The following SLC68A1 variants were observed in gnomAD, a reference collection of about 807,000 sequenced individuals.
The protein encoded by SLC68A1 is major facilitator superfamily domain containing 13A.
At chr10:102,468,629 T>A in the SLC68A1 span, 1 of 165,264 alleles carries the variant, frequency 6.1e-6, no homozygotes, top group East Asian at 1.8e-4. Context: ...ATCTGGCTAC[T>A]GCACTCCAGC....
chr10:102,476,225 G>A, the SLC68A1 span: 3 of 532,120 alleles, frequency 5.6e-6, no homozygotes, highest in East Asian at 1.3e-4. Context: ...GTGCCACCAT[G>A]CCCGGCTACT....
chr10:102,467,390 G>A, the SLC68A1 span, among the ~76,000 whole-genome samples: 1 of 152,160 alleles, frequency 6.6e-6, no homozygotes, highest in Non-Finnish European at 1.5e-5. Context: ...GGGAATGTAG[G>A]GTAATAGATG....
At chr10:102,467,184 C>T in the SLC68A1 span, among the ~76,000 whole-genome samples, 1 of 152,232 alleles carries the variant, frequency 6.6e-6, no homozygotes, top group South Asian at 2.1e-4. Context: ...TTACAGGCGC[C>T]CGCCACCACG....
At chr10:102,467,210 A>G in the SLC68A1 span, among the ~76,000 whole-genome samples, 198 of 152,020 alleles carry the variant, frequency 1.3e-3, no homozygotes, top group Non-Finnish European at 2.4e-3. Context: ...TAATTTTTGT[A>G]TTTTTAGTAG....
chr10:102,472,091 AG>A, the SLC68A1 span: 1 of 452,256 alleles, frequency 2.2e-6, no homozygotes, highest in Non-Finnish European at 4.4e-6. Context: ...TGAGCCCAGG[AG>A]TTCGAGGCTG....
At chr10:102,472,260 C>G in the SLC68A1 span, 2 of 290,790 alleles carry the variant, frequency 6.9e-6, no homozygotes, top group South Asian at 5.6e-5. Context: ...ATTTGTTTCA[C>G]TAATGTGTTT....
the SLC68A1 span, chr10:102,475,671 G>C: frequency 6.5e-7 from 1 of 1,534,014 alleles, no homozygotes; most frequent in Admixed American, 2.0e-5. Context: ...GGGCACCAAG[G>C]CTTGGAGGAC....
At chr10:102,470,133 A>ATCC in the SLC68A1 span, 1 of 1,504,550 alleles carries the variant, frequency 6.6e-7, no homozygotes, top group Non-Finnish European at 9.2e-7. Context: ...GCTACCCAGG[A>ATCC]GGGAGGACCC....
chr10:102,471,935 T>C, the SLC68A1 span: 1 of 432,582 alleles, frequency 2.3e-6, no homozygotes, highest in Non-Finnish European at 4.7e-6. Flanking sequence ...GGTAGCCCTG[T>C]CCTCTCCTGT....
the SLC68A1 span, among the ~76,000 whole-genome samples, chr10:102,463,413 C>G: frequency 6.6e-6 from 1 of 152,076 alleles, no homozygotes; most frequent in Non-Finnish European, 1.5e-5. Context: ...CCTCGTGATT[C>G]GCCCGCGTCG....
At chr10:102,473,006 T>G in the SLC68A1 span, 3 of 1,348,994 alleles carry the variant, frequency 2.2e-6, no homozygotes, top group African/African-American at 1.4e-5. Context: ...ACCTGTATTT[T>G]TAGTAGAGAT....
the SLC68A1 span, chr10:102,476,760 G>A: frequency 4.4e-5 from 43 of 985,934 alleles, no homozygotes; most frequent in Non-Finnish European, 5.1e-5. Context: ...GCCATGGGGC[G>A]TGGGAGCCCA....
At chr10:102,469,859 A>AACTG in the SLC68A1 span, 1 of 1,429,892 alleles carries the variant, frequency 7.0e-7, no homozygotes, top group Admixed American at 2.7e-5. Context: ...TTAGCAGAGG[A>AACTG]ACTGACACCA....
chr10:102,461,568 G>C, the SLC68A1 span: 1 of 152,402 alleles, frequency 6.6e-6, no homozygotes, highest in African/African-American at 2.4e-5. Flanking sequence ...GGAGTCATGG[G>C]GGCTATCTGC....
the SLC68A1 span, chr10:102,476,590 A>T: frequency 2.0e-6 from 2 of 986,062 alleles, no homozygotes; most frequent in Non-Finnish European, 2.4e-6. Context: ...CCTGGGGCTG[A>T]GCCAGAAGCA....
the SLC68A1 span, chr10:102,470,063 G>A: frequency 6.2e-7 from 1 of 1,614,016 alleles, no homozygotes; most frequent in Non-Finnish European, 8.5e-7. Flanking sequence ...CAGTTCCTCA[G>A]CTCCCAGCCC....
the SLC68A1 span, chr10:102,476,007 C>A: frequency 2.1e-6 from 3 of 1,456,534 alleles, no homozygotes; most frequent in Non-Finnish European, 9.1e-7. Context: ...GGTCACCCCA[C>A]TGAGGATGCT....
chr10:102,467,910 G>A, the SLC68A1 span, among the ~76,000 whole-genome samples: 1 of 152,096 alleles, frequency 6.6e-6, no homozygotes, highest in Non-Finnish European at 1.5e-5. Context: ...CGCCTACCCC[G>A]GCCTCCCAAA....
the SLC68A1 span, chr10:102,476,023 C>G: frequency 7.2e-7 from 1 of 1,394,944 alleles, no homozygotes. Flanking sequence ...ATGCTGCTGG[C>G]AGCCTGGGGA....
Sources: allele counts gnomAD v4.1 joint callset (sites outside exome capture counted in the v4.1 genomes callset), GRCh38; gene constraint gnomAD v4.1.1; transcripts MANE v1.5; gene names NCBI Gene and HGNC (gene_info 2026-07-23, HGNC 2026-07-21).